GSK3B: variants seen among roughly 807,000 people sequenced by gnomAD.
GSK3B encodes glycogen synthase kinase 3 beta.
A neutral mutation model predicts 56.4 loss-of-function variants in GSK3B; 15 were observed. That is an observed-to-expected ratio of 0.27 (90% confidence interval 0.18 to 0.41). The LOEUF (loss-of-function observed/expected upper bound fraction) is 0.41. Among genes scored for constraint, GSK3B ranks in the 10% least tolerant of loss-of-function variants. The pLI, the probability that GSK3B is intolerant of heterozygous loss-of-function variation, is 1.00. For synonymous variants in GSK3B, 181 were observed against 188.9 expected (o/e 0.96, Z 0.34); for missense variants, 300 against 513.4 (o/e 0.58, Z 4.02).
At chr3:119,917,475 A>G (rs908966045) in intron 4 of GSK3B, among the ~76,000 whole-genome samples, 8 of 152,148 alleles carry the variant, frequency 5.3e-5, no homozygotes, top group Non-Finnish European at 1.2e-4. Flanking sequence ...CTATTATTGT[A>G]CCATCATTCA....
At chr3:119,951,671 A>C (rs1266319224) in intron 2 of GSK3B, among the ~76,000 whole-genome samples, 1 of 152,156 alleles carries the variant, frequency 6.6e-6, no homozygotes, top group Non-Finnish European at 1.5e-5. Context: ...GTTGACCTAT[A>C]ATCAGGTTAA....
chr3:119,895,638 G>T (rs941036651), intron 7 of GSK3B, among the ~76,000 whole-genome samples: 2 of 152,102 alleles, frequency 1.3e-5, no homozygotes, highest in African/African-American at 4.8e-5. Flanking sequence ...GGATCCAGTT[G>T]TCCAAGCACC....
chr3:119,872,167 G>A (rs193299736), intron 8 of GSK3B, among the ~76,000 whole-genome samples: 2 of 152,198 alleles, frequency 1.3e-5, no homozygotes, highest in African/African-American at 4.8e-5. Flanking sequence ...CAAATTCATT[G>A]CCTAACAACA....
At chr3:120,009,693 G>T (rs1270293303) in intron 1 of GSK3B, among the ~76,000 whole-genome samples, 2 of 152,098 alleles carry the variant, frequency 1.3e-5, no homozygotes, top group African/African-American at 4.8e-5. Flanking sequence ...TCTGTGGGGG[G>T]TGGGGGGCTA....
At chr3:119,866,737 G>T in intron 8 of GSK3B, 1 of 707,692 alleles carries the variant, frequency 1.4e-6, no homozygotes, top group Non-Finnish European at 2.5e-6. Flanking sequence ...CATGGTGTGG[G>T]GGGGGACATA....
chr3:119,902,733 G>A (rs539076042), intron 7 of GSK3B, among the ~76,000 whole-genome samples: 81 of 151,850 alleles, frequency 5.3e-4, no homozygotes, highest in South Asian at 4.8e-3. Context: ...TGATGGACTC[G>A]TTGACACAGT....
At chr3:120,024,247 A>C (rs1278261570) in intron 1 of GSK3B, among the ~76,000 whole-genome samples, 3 of 151,982 alleles carry the variant, frequency 2.0e-5, no homozygotes, top group Non-Finnish European at 4.4e-5. Context: ...GAGGTGGGAG[A>C]ACTGCTTGAG....
chr3:119,898,792 T>C lies in GSK3B; in HGVS notation c.813+6963A>G, dbSNP rs1559828193. Among the ~76,000 whole-genome samples the C allele has an allele frequency of 2.0e-5, 3 of 152,174 alleles. No homozygotes were observed. The South Asian group carries it at 6.2e-4, about 31-fold the overall frequency. On this transcript the variant is annotated intron_variant, in intron 7 of 10. Transcript: ENST00000264235. ...CTATATACTATGTTTTTCCTATACATACATACCTATGATAAAGTTTAATTT... is the reference window on the plus strand; with the variant it reads ...CTATATACTATGTTTTTCCTATACACACATACCTATGATAAAGTTTAATTT...
chr3:119,947,714 C>T (rs982854884), intron 2 of GSK3B, among the ~76,000 whole-genome samples: 2 of 151,476 alleles, frequency 1.3e-5, no homozygotes, highest in African/African-American at 4.8e-5. Flanking sequence ...CAACAGTCTC[C>T]CATGAATTCA....
At chr3:120,045,073 G>T (rs116071642) in intron 1 of GSK3B, among the ~76,000 whole-genome samples, 89 of 152,286 alleles carry the variant, frequency 5.8e-4, no homozygotes, top group African/African-American at 2.1e-3. Flanking sequence ...ATGCATTGTA[G>T]GTTAGTGCAA....
chr3:119,914,553 T>G (rs2056764024), intron 5 of GSK3B, among the ~76,000 whole-genome samples: 1 of 152,070 alleles, frequency 6.6e-6, no homozygotes, highest in South Asian at 2.1e-4. Flanking sequence ...TTTGGGCAGT[T>G]TTTCCTATAG....
intron 1 of GSK3B, among the ~76,000 whole-genome samples, chr3:120,026,552 C>A (rs925842640): frequency 9.6e-5 from 13 of 134,888 alleles, no homozygotes; most frequent in South Asian, 2.3e-4. Context: ...CACACACACA[C>A]AAACACACAC....
intron 1 of GSK3B, 38 bp from the exon 2 acceptor site, chr3:120,002,277 GT>G: frequency 7.8e-7 from 1 of 1,283,618 alleles, no homozygotes; most frequent in Non-Finnish European, 1.1e-6. Context: ...CACGAGAACT[GT>G]AAGGAATTAA....
At chr3:120,090,208 G>A (rs367596702) in intron 1 of GSK3B, among the ~76,000 whole-genome samples, 1 of 148,214 alleles carries the variant, frequency 6.7e-6, no homozygotes, top group African/African-American at 2.6e-5. Flanking sequence ...GGTTTCAAGT[G>A]TGAGGCTTTT....
At position 120,089,456 on chromosome 3, in the gene GSK3B, T is replaced by A. The variant is rs148708792; in HGVS notation, c.88+3891A>T. Among the ~76,000 whole-genome samples, 4 of 152,346 alleles carry A rather than the reference T, an allele frequency of 2.6e-5. No individual in the cohort carries two copies. In the East Asian group the frequency reaches 7.7e-4, roughly 29 times the overall value. On this transcript the variant is annotated intron_variant, in intron 1 of 10. Coordinates refer to ENST00000264235, the MANE Select transcript of GSK3B (RefSeq NM_001146156.2). ...ACTCTAATAACCTAATTTTTAGATG[T>A]CATAAAGAGATTAAACTTCCCAGGG...
chr3:119,856,860 G>C (rs1451370921), intron 9 of GSK3B, among the ~76,000 whole-genome samples: 1 of 152,072 alleles, frequency 6.6e-6, no homozygotes, highest in South Asian at 2.1e-4. Flanking sequence ...TCACCTCAGA[G>C]TTCATAGTAA....
At chr3:119,884,456 T>C (rs1287238596) in intron 7 of GSK3B, among the ~76,000 whole-genome samples, 2 of 152,178 alleles carry the variant, frequency 1.3e-5, no homozygotes, top group Non-Finnish European at 2.9e-5. Context: ...AGCAGTGTGC[T>C]AGACACATCA....
intron 10 of GSK3B, among the ~76,000 whole-genome samples, chr3:119,830,879 A>G (rs2055587803): frequency 6.6e-6 from 1 of 152,244 alleles, no homozygotes; most frequent in Admixed American, 6.5e-5. Context: ...TGCTTAGCAC[A>G]GTATCTGGCA....
chr3:119,933,219 A>C (rs2056964105), intron 3 of GSK3B, among the ~76,000 whole-genome samples: 1 of 152,232 alleles, frequency 6.6e-6, no homozygotes, highest in Admixed American at 6.5e-5. Flanking sequence ...ATAAGCCACA[A>C]TTTTTCATCT....
Sources: allele counts gnomAD v4.1 joint callset (sites outside exome capture counted in the v4.1 genomes callset), GRCh38; gene constraint gnomAD v4.1.1; transcripts MANE v1.5; gene names NCBI Gene and HGNC (gene_info 2026-07-23, HGNC 2026-07-21).